The following ZNF804B variants were observed in gnomAD, a reference collection of about 807,000 sequenced individuals.
ZNF804B encodes the protein zinc finger protein 804B, also known as zinc finger 804B.
In ZNF804B, 80 loss-of-function variants were observed where a neutral mutation model predicts 101.4. That is an observed-to-expected ratio of 0.79 (90% CI 0.66 to 0.95). ZNF804B has a LOEUF of 0.95. ZNF804B is among the 40% of genes least tolerant of loss of function. ZNF804B has a pLI of 0.00. For missense variants in ZNF804B, 1,673 were observed against 1,561.9 expected (o/e 1.07, Z -1.20); for synonymous variants, 622 against 558.8 (o/e 1.11, Z -1.59).
At chr7:88,960,051 T>C (rs1793368172) in intron 1 of ZNF804B, among the ~76,000 whole-genome samples, 2 of 151,510 alleles carry the variant, frequency 1.3e-5, no homozygotes, top group African/African-American at 4.8e-5. Flanking sequence ...AAAAAAGTCT[T>C]TAAAATGTTT....
At chr7:89,098,106 T>C (rs1473671825) in intron 1 of ZNF804B, among the ~76,000 whole-genome samples, 1 of 152,112 alleles carries the variant, frequency 6.6e-6, no homozygotes, top group Non-Finnish European at 1.5e-5. Context: ...ATTAACATTT[T>C]CTTTTATTGA....
intron 1 of ZNF804B, 112 bp downstream of exon 1, chr7:88,760,196 C>G (rs1054286614): frequency 3.6e-6 from 3 of 829,744 alleles, no homozygotes; most frequent in African/African-American, 3.4e-5. Flanking sequence ...ACATCTAAAA[C>G]GTATACCTTA....
chr7:88,988,322 C>T (rs1793794349), intron 1 of ZNF804B, among the ~76,000 whole-genome samples: 1 of 151,926 alleles, frequency 6.6e-6, no homozygotes, highest in South Asian at 2.1e-4. Context: ...ATTTTATTTT[C>T]TCTATTGAAA....
intron 1 of ZNF804B, among the ~76,000 whole-genome samples, chr7:89,174,846 G>A (rs1337796726): frequency 1.3e-5 from 2 of 151,920 alleles, no homozygotes; most frequent in Admixed American, 6.6e-5. Flanking sequence ...TGATGTTCAA[G>A]GATGTAGAGT....
intron 1 of ZNF804B, among the ~76,000 whole-genome samples, chr7:88,912,735 G>A (rs539509871): frequency 1.6e-4 from 25 of 152,202 alleles, no homozygotes; most frequent in Non-Finnish European, 3.5e-4. Context: ...ACGTTTGTAA[G>A]TATATTGAGA....
chr7:89,082,197 A>G (rs571468576), intron 1 of ZNF804B, among the ~76,000 whole-genome samples: 3 of 151,838 alleles, frequency 2.0e-5, no homozygotes, highest in East Asian at 3.9e-4. Context: ...ATGAAAGGGA[A>G]CAAATGCCAA....
chr7:89,266,091 T>C (rs1292867284), intron 2 of ZNF804B, among the ~76,000 whole-genome samples: 10 of 152,144 alleles, frequency 6.6e-5, no homozygotes, highest in African/African-American at 2.2e-4. Flanking sequence ...GGTTTGCAAA[T>C]AGATTTTTAA....
At chr7:89,004,055 C>CAAAAAA (rs5885649) in intron 1 of ZNF804B, among the ~76,000 whole-genome samples, 2 of 112,164 alleles carry the variant, frequency 1.8e-5, no homozygotes, top group African/African-American at 3.4e-5. Context: ...CCTGAATGAG[C>CAAAAAA]AAAAAAAAAA....
At chr7:89,220,619 A>G (rs1217721172) in intron 2 of ZNF804B, among the ~76,000 whole-genome samples, 1 of 151,936 alleles carries the variant, frequency 6.6e-6, no homozygotes, top group Non-Finnish European at 1.5e-5. Flanking sequence ...AAAGTATTTC[A>G]AGATATATGG....
At chr7:89,270,610 T>C (rs1671760309) in intron 2 of ZNF804B, among the ~76,000 whole-genome samples, 2 of 152,174 alleles carry the variant, frequency 1.3e-5, no homozygotes, top group South Asian at 4.1e-4. Flanking sequence ...AAGACAGTCA[T>C]TGGTAGCTTG....
At chr7:89,327,764 A>T (rs1406435111) in intron 3 of ZNF804B, among the ~76,000 whole-genome samples, 1 of 151,934 alleles carries the variant, frequency 6.6e-6, no homozygotes, top group Non-Finnish European at 1.5e-5. Context: ...ACTTCTTAAT[A>T]TATTTTTTAA....
chr7:89,139,120 T>G (rs1352254110), intron 1 of ZNF804B, among the ~76,000 whole-genome samples: 2 of 152,124 alleles, frequency 1.3e-5, no homozygotes, highest in Admixed American at 1.3e-4. Context: ...CAAGGAATTT[T>G]TTTTTGTTCT....
intron 1 of ZNF804B, among the ~76,000 whole-genome samples, chr7:88,877,030 T>TATATATATATATATA (rs1791957902): frequency 4.6e-5 from 2 of 43,164 alleles, no homozygotes; most frequent in African/African-American, 2.5e-4. Context: ...ATATATAATA[T>TATATATATATATATA]ATATATATAT....
At chr7:88,843,826 A>G (rs1406629597) in intron 1 of ZNF804B, among the ~76,000 whole-genome samples, 1 of 152,230 alleles carries the variant, frequency 6.6e-6, no homozygotes, top group African/African-American at 2.4e-5. Context: ...TGGCAATTGT[A>G]ATATTTTAAG....
intron 1 of ZNF804B, among the ~76,000 whole-genome samples, chr7:88,830,787 A>G (rs1160438448): frequency 2.6e-5 from 4 of 151,862 alleles, no homozygotes; most frequent in African/African-American, 7.2e-5. Flanking sequence ...TTTATCTTCA[A>G]TGTAGCTTTA....
intron 1 of ZNF804B, among the ~76,000 whole-genome samples, chr7:88,840,904 A>G (rs1791284638): frequency 6.6e-6 from 1 of 152,174 alleles, no homozygotes; most frequent in African/African-American, 2.4e-5. Context: ...ATAAGTCCCA[A>G]ATTTGGAAGG....
intron 1 of ZNF804B, among the ~76,000 whole-genome samples, chr7:89,216,527 A>G (rs551261212): frequency 6.6e-6 from 1 of 152,130 alleles, no homozygotes; most frequent in Admixed American, 6.5e-5. Flanking sequence ...CAGCCTGTCC[A>G]CTAATTTTTT....
At chr7:89,285,173 C>G (rs1790163740) in intron 2 of ZNF804B, among the ~76,000 whole-genome samples, 1 of 151,838 alleles carries the variant, frequency 6.6e-6, no homozygotes. Flanking sequence ...GAGCTGTGAT[C>G]ATGTGACTGT....
chr7:89,312,472 A>G (rs1247347879), intron 2 of ZNF804B, among the ~76,000 whole-genome samples: 1 of 152,204 alleles, frequency 6.6e-6, no homozygotes, highest in Non-Finnish European at 1.5e-5. Flanking sequence ...AGATGTGCAC[A>G]CCAGAGTAAT....
Sources: gnomAD v4.1 joint callset for allele counts (sites outside exome capture counted in the v4.1 genomes callset) on GRCh38, gnomAD v4.1.1 for gene constraint, MANE v1.5 for transcripts, NCBI Gene and HGNC (gene_info 2026-07-23, HGNC 2026-07-21) for gene names.